The following MACF1 variants were observed in gnomAD, a reference collection of about 807,000 sequenced individuals.
MACF1 encodes the protein microtubule-actin cross-linking factor 1.
MACF1 carries 193 observed loss-of-function variants against 854.8 expected under a neutral mutation model. That is an observed-to-expected ratio of 0.23 (90% CI 0.20 to 0.25). The LOEUF (loss-of-function observed/expected upper bound fraction) is 0.25. MACF1 is among the 10% of genes least tolerant of loss of function. The pLI is 1.00. For synonymous variants in MACF1, 3,185 were observed against 3,226.7 expected (o/e 0.99, Z 0.44); for missense variants, 7,722 against 8,929.1 (o/e 0.86, Z 5.45).
chr1:39,342,901 A>G (rs144120845), intron 40 of MACF1, among the ~76,000 whole-genome samples: 3 of 152,222 alleles, frequency 2.0e-5, no homozygotes, highest in Non-Finnish European at 4.4e-5. Context: ...TTCTGTTGCA[A>G]TCACTCAAAA....
chr1:39,150,903 C>T (rs1193380107), intron 2 of MACF1, among the ~76,000 whole-genome samples: 3 of 152,120 alleles, frequency 2.0e-5, no homozygotes, highest in Non-Finnish European at 2.9e-5. Flanking sequence ...AGGATTTTGT[C>T]CTTGGCACTC....
intron 58 of MACF1, among the ~76,000 whole-genome samples, chr1:39,402,566 A>G (rs1052729902): frequency 6.6e-5 from 10 of 152,186 alleles, no homozygotes; most frequent in African/African-American, 2.4e-4. Context: ...ACAAAGAAGG[A>G]CTGGCTAGAA....
At chr1:39,298,463 A>G (rs1000842420) in intron 21 of MACF1, among the ~76,000 whole-genome samples, 2 of 152,246 alleles carry the variant, frequency 1.3e-5, no homozygotes, top group Non-Finnish European at 2.9e-5. Context: ...GGCTCAAGCT[A>G]CATCTCAAAT....
chr1:39,381,571 G>C (rs1353786187), intron 55 of MACF1, among the ~76,000 whole-genome samples: 1 of 151,994 alleles, frequency 6.6e-6, no homozygotes, highest in Non-Finnish European at 1.5e-5. Context: ...GTCTTGCTTT[G>C]TTGTCCAAGC....
intron 86 of MACF1, 76 bp downstream of exon 86, chr1:39,452,426 G>T (rs997111326): frequency 2.8e-6 from 4 of 1,408,726 alleles, no homozygotes; most frequent in Non-Finnish European, 3.9e-6. Context: ...ACTAGAATCT[G>T]TTCCAGTCAG....
At chr1:39,166,306 G>C (rs893003208) in intron 2 of MACF1, among the ~76,000 whole-genome samples, 2 of 152,098 alleles carry the variant, frequency 1.3e-5, no homozygotes, top group African/African-American at 4.8e-5. Context: ...GACCTCAGGT[G>C]ATCTGCCCAC....
chr1:39,212,691 CG>C (rs1265272699), intron 1 of MACF1, among the ~76,000 whole-genome samples: 4 of 152,154 alleles, frequency 2.6e-5, no homozygotes, highest in Non-Finnish European at 4.4e-5. Context: ...GGCGCAATCT[CG>C]GCTCACAGCA....
At chr1:39,456,070 A>AT (rs1644431430) in intron 89 of MACF1, among the ~76,000 whole-genome samples, 1 of 152,152 alleles carries the variant, frequency 6.6e-6, no homozygotes, top group Non-Finnish European at 1.5e-5. Context: ...GTGGTGGCTC[A>AT]CCCCTGTAAT....
intron 17 of MACF1, among the ~76,000 whole-genome samples, chr1:39,293,151 G>A (rs572797466): frequency 6.6e-6 from 1 of 152,138 alleles, no homozygotes; most frequent in African/African-American, 2.4e-5. Context: ...TGTAGAGAGG[G>A]GACTTTCCCT....
intron 5 of MACF1, among the ~76,000 whole-genome samples, chr1:39,255,675 C>T (rs554412936): frequency 6.6e-6 from 1 of 152,340 alleles, no homozygotes; most frequent in East Asian, 1.9e-4. Context: ...CTTAACATTT[C>T]ACCTTCATCT....
intron 59 of MACF1, 34 bp from the exon 60 acceptor site, chr1:39,422,696 G>A (rs201295867): frequency 1.1e-4 from 180 of 1,597,864 alleles, no homozygotes; most frequent in Middle Eastern, 3.3e-4. Flanking sequence ...TACTTTCTCC[G>A]TTCTCATAAT....
intron 2 of MACF1, among the ~76,000 whole-genome samples, chr1:39,248,680 A>T (rs1645008505): frequency 6.6e-6 from 1 of 152,176 alleles, no homozygotes; most frequent in Non-Finnish European, 1.5e-5. Flanking sequence ...ATATATTAAA[A>T]ATCAATCTTC....
rs958004841 is a variant in MACF1 at position 39,084,644 on chromosome 1, C to G, written c.220+206C>G. ...AGAGGAAAATCTGCCACCCCTTGCT[C>G]ACGTGAGACCTGTTTTCATTTCTGC... On this transcript the variant is annotated intron_variant, in intron 2 of 93. Transcript: ENST00000361689. This position sits in a 1 kb window ranked among gnomAD's most constrained non-coding sequence, Gnocchi z 5.2. Among the ~76,000 whole-genome samples, 2 of 152,204 alleles carry G rather than the reference C, an allele frequency of 1.3e-5. No homozygotes were observed. The highest frequency in any genetic ancestry group is 4.8e-5 in the African/African-American group (2 of 41,454).
At chr1:39,339,830 G>A (rs1646896253) in intron 38 of MACF1, among the ~76,000 whole-genome samples, 1 of 152,120 alleles carries the variant, frequency 6.6e-6, no homozygotes, top group Admixed American at 6.5e-5. Context: ...GTTGTCATAG[G>A]ATTGGAGTCA....
intron 1 of MACF1, among the ~76,000 whole-genome samples, chr1:39,217,010 A>T (rs957680419): frequency 3.9e-5 from 6 of 152,154 alleles, no homozygotes; most frequent in African/African-American, 1.4e-4. Context: ...ACCTTTCTCT[A>T]GCTCGGTTAC....
chr1:39,413,113 G>A lies in MACF1; in HGVS notation c.15817-9261G>A, dbSNP rs201860546. Reference sequence around the variant, plus strand: ...ACAGGAGGGTATGTCAGCTGTCGCAGGGTTCTCCCCAGAGTGGGCTGCTTT... The same window carrying A: ...ACAGGAGGGTATGTCAGCTGTCGCAAGGTTCTCCCCAGAGTGGGCTGCTTT... On this transcript the variant is annotated intron_variant, in intron 58 of 100. Coordinates refer to ENST00000564288, the MANE Select transcript of MACF1 (RefSeq NM_001394062.1). 1.5e-4 allele frequency: 243 copies of A among 1,608,960 alleles called. 1 individual carries two copies. The African/African-American group carries it at 2.7e-3, about 18-fold the overall frequency.
chr1:39,228,125 A>G (rs969532452), intron 1 of MACF1, among the ~76,000 whole-genome samples: 23 of 152,214 alleles, frequency 1.5e-4, no homozygotes, highest in African/African-American at 3.9e-4. Context: ...AGCCTGGCCC[A>G]TATGGTGAAA....
intron 2 of MACF1, among the ~76,000 whole-genome samples, chr1:39,173,457 TGA>T (rs1643981098): frequency 6.6e-6 from 1 of 152,186 alleles, no homozygotes; most frequent in Non-Finnish European, 1.5e-5. Flanking sequence ...GAGAGGCTAG[TGA>T]GAGAGTTCAG....
Position 39,293,530 on chromosome 1 carries a change from A to G in MACF1, c.2065A>G (p.Ile689Val). 1 of 1,614,004 alleles carries G rather than the reference A, an allele frequency of 6.2e-7. No individual in the cohort carries two copies. Among genetic ancestry groups the G allele is most frequent in the Admixed American group, 1.7e-5 (1 of 60,002 alleles). ...KFVSRATAEL[I>V]WLNEKEEEEL... ...TGTTTCCAGAGCTACAGCTGAGTTG[A>G]TCTGGTTGAATGAGAAGGAGGAGGA... Residue 689 changes from isoleucine (I) to valine (V), a missense_variant, in exon 18 of 101, where the codon ATC (isoleucine) becomes GTC (valine). By Grantham distance (29) the Ile-to-Val change is conservative. This residue lies in a region of MACF1 where 1,137 missense variants were observed against 1,263.0 expected (regional missense o/e 0.90). Coordinates refer to ENST00000564288, the MANE Select transcript of MACF1 (RefSeq NM_001394062.1).
Sources: gnomAD v4.1 joint callset for allele counts (sites outside exome capture counted in the v4.1 genomes callset) on GRCh38, gnomAD v4.1.1 for gene constraint, gnomAD v4.1.1 regional missense constraint, Gnocchi (gnomAD v3.1) non-coding constraint, MANE v1.5 for transcripts, NCBI Gene and HGNC (gene_info 2026-07-23, HGNC 2026-07-21) for gene names.